Variants in SRPK2 observed in about 807,000 individuals in gnomAD.
SRPK2 encodes the protein SRSF protein kinase 2, also known as SFRS protein kinase 2.
Under a neutral mutation model 90.8 loss-of-function variants are expected in SRPK2, and 21 were observed. That is an observed-to-expected ratio of 0.23 (90% CI 0.16 to 0.33). The LOEUF (loss-of-function observed/expected upper bound fraction) is 0.33. Among genes scored for constraint, SRPK2 ranks in the 10% least tolerant of loss-of-function variants. The probability of loss-of-function intolerance (pLI) is 1.00; values close to 1 mark genes in which losing one functional copy is unlikely to be tolerated. For synonymous variants in SRPK2, 288 were observed against 311.1 expected (o/e 0.93, Z 0.78); for missense variants, 620 against 869.0 (o/e 0.71, Z 3.60).
intron 2 of SRPK2, among the ~76,000 whole-genome samples, chr7:105,279,128 T>G (rs1585502025): frequency 6.6e-6 from 1 of 152,026 alleles, no homozygotes; most frequent in Non-Finnish European, 1.5e-5. Context: ...GCAAGATCAT[T>G]TGTGCTCCTG....
chr7:105,311,118 AT>A (rs1157075149), intron 2 of SRPK2, among the ~76,000 whole-genome samples: 2 of 152,132 alleles, frequency 1.3e-5, no homozygotes, highest in African/African-American at 4.8e-5. Flanking sequence ...AACCTACAGA[AT>A]GAAAAAAAAT....
At chr7:105,156,456 C>G (rs1806505506) in intron 7 of SRPK2, among the ~76,000 whole-genome samples, 1 of 152,188 alleles carries the variant, frequency 6.6e-6, no homozygotes, top group Admixed American at 6.5e-5. Flanking sequence ...ATTACTATCT[C>G]TCATTACATC....
Position 105,383,604 on chromosome 7 carries a change from G to A in SRPK2, c.71+5044C>T, listed in dbSNP as rs1219495708. On this transcript the variant is annotated intron_variant, in intron 2 of 15. Transcript: ENST00000393651. ...CCAGGCAATTTTTGTATTTTTAGTA[G>A]AGACGGGGTTTCACCCTATTGGCCA... 2.0e-5 allele frequency among the ~76,000 whole-genome samples: 3 copies of A among 151,136 alleles called. No homozygotes were observed. In the South Asian group the frequency reaches 6.2e-4, roughly 31 times the overall value.
chr7:105,381,512 T>C (rs1343913137), intron 2 of SRPK2, among the ~76,000 whole-genome samples: 1 of 152,086 alleles, frequency 6.6e-6, no homozygotes, highest in Non-Finnish European at 1.5e-5. Context: ...AACTAAGCAC[T>C]ACTGTACCTA....
chr7:105,350,697 G>A (rs1328042967), intron 2 of SRPK2, among the ~76,000 whole-genome samples: 1 of 151,152 alleles, frequency 6.6e-6, no homozygotes, highest in African/African-American at 2.4e-5. Flanking sequence ...GCTAATTTTT[G>A]TATTAGTAGA....
At chr7:105,168,134 T>C in intron 4 of SRPK2, 39 bp from the exon 5 acceptor site, 1 of 1,494,858 alleles carries the variant, frequency 6.7e-7, no homozygotes, top group Non-Finnish European at 9.1e-7. Context: ...TTTATCTATA[T>C]TATCAGTAGA....
intron 3 of SRPK2, among the ~76,000 whole-genome samples, chr7:105,194,483 T>C (rs1393814976): frequency 6.6e-6 from 1 of 152,160 alleles, no homozygotes; most frequent in Non-Finnish European, 1.5e-5. Context: ...GCACAAACAC[T>C]AATAAATAAG....
intron 11 of SRPK2, among the ~76,000 whole-genome samples, chr7:105,135,547 C>A (rs993114705): frequency 6.6e-6 from 1 of 152,212 alleles, no homozygotes. Context: ...ATATTGTGGT[C>A]CTCCTGAGCC....
At chr7:105,203,393 T>C (rs1485615269) in intron 3 of SRPK2, among the ~76,000 whole-genome samples, 4 of 152,230 alleles carry the variant, frequency 2.6e-5, no homozygotes, top group Admixed American at 1.3e-4. Context: ...AGAATATGTA[T>C]GTACAAATAC....
At chr7:105,200,545 T>C (rs145575759) in intron 3 of SRPK2, among the ~76,000 whole-genome samples, 12 of 152,118 alleles carry the variant, frequency 7.9e-5, no homozygotes, top group African/African-American at 2.9e-4. Context: ...ATGGGTTATA[T>C]ATGTAGTCTC....
chr7:105,320,732 G>A (rs562830954), intron 2 of SRPK2, among the ~76,000 whole-genome samples: 70 of 152,124 alleles, frequency 4.6e-4, no homozygotes, highest in African/African-American at 1.5e-3. Context: ...CATTTATGCC[G>A]AAGGTTGCAA....
At chr7:105,182,936 CA>C (rs1256092818) in intron 3 of SRPK2, among the ~76,000 whole-genome samples, 1 of 152,058 alleles carries the variant, frequency 6.6e-6, no homozygotes. Context: ...AAAAAAAAAT[CA>C]TATTTCTATT....
chr7:105,250,667 A>C (rs1802365497), intron 2 of SRPK2, among the ~76,000 whole-genome samples: 1 of 152,230 alleles, frequency 6.6e-6, no homozygotes, highest in Non-Finnish European at 1.5e-5. Flanking sequence ...CTACTTTAAA[A>C]ACATTTAAAT....
intron 2 of SRPK2, among the ~76,000 whole-genome samples, chr7:105,359,468 TTTA>T (rs1275991637): frequency 1.3e-5 from 2 of 152,126 alleles, no homozygotes; most frequent in East Asian, 1.9e-4. Flanking sequence ...CACAGCACTA[TTTA>T]TTAAGTGGAT....
intron 2 of SRPK2, among the ~76,000 whole-genome samples, chr7:105,254,294 T>C (rs949223095): frequency 1.3e-5 from 2 of 152,226 alleles, no homozygotes; most frequent in African/African-American, 4.8e-5. Context: ...ATGTCATCTA[T>C]ACGACATTCA....
At chr7:105,225,217 A>G (rs1798572220) in intron 2 of SRPK2, among the ~76,000 whole-genome samples, 1 of 152,194 alleles carries the variant, frequency 6.6e-6, no homozygotes, top group Non-Finnish European at 1.5e-5. Flanking sequence ...AACAAAAAAC[A>G]AAACACCACT....
At chr7:105,378,887 A>C (rs1054167188) in intron 2 of SRPK2, among the ~76,000 whole-genome samples, 14 of 152,222 alleles carry the variant, frequency 9.2e-5, no homozygotes, top group African/African-American at 2.9e-4. Flanking sequence ...AAGTGTGGGC[A>C]AAAATGTGAA....
At chr7:105,297,263 A>G (rs1180847402) in intron 2 of SRPK2, among the ~76,000 whole-genome samples, 1 of 152,238 alleles carries the variant, frequency 6.6e-6, no homozygotes, top group Non-Finnish European at 1.5e-5. Context: ...CCAATTGCCA[A>G]TCAAAGACCT....
At chr7:105,321,005 A>G (rs915969478) in intron 2 of SRPK2, among the ~76,000 whole-genome samples, 2 of 119,616 alleles carry the variant, frequency 1.7e-5, no homozygotes, top group African/African-American at 5.1e-5. Context: ...TAGTTTTTAA[A>G]ATTTTTTTGA....
Sources: allele counts gnomAD v4.1 joint callset (sites outside exome capture counted in the v4.1 genomes callset), GRCh38; gene constraint gnomAD v4.1.1; transcripts MANE v1.5; gene names NCBI Gene and HGNC (gene_info 2026-07-23, HGNC 2026-07-21).